RNPS1: variants seen among roughly 807,000 people sequenced by gnomAD.
RNPS1 encodes the protein RNA-binding protein with serine-rich domain 1.
For synonymous variants in RNPS1, 147 were observed against 150.0 expected (o/e 0.98, Z 0.15); for missense variants, 300 against 427.6 (o/e 0.70, Z 2.63).
rs1029765039 is a variant in RNPS1 at position 2,255,475 on chromosome 16, A to G, written c.818+110T>C. On this transcript the variant is annotated intron_variant, in intron 7 of 7. Coordinates refer to ENST00000320225, the MANE Select transcript of RNPS1 (RefSeq NM_080594.4). The stretch of plus-strand genomic sequence containing the variant: ...CTCTGAAGGGCTCCTGCTCTCTGCC[A>G]GCCCGCACAGCAGTGGAAGGCAGGC... 9 of 1,306,630 alleles carry G rather than the reference A, an allele frequency of 6.9e-6. No homozygotes were observed. In the Admixed American group the frequency reaches 7.2e-5, roughly 11 times the overall value. The allele number at this position is 1,306,630 out of a possible 1,614,324, so 80.9% of individuals were successfully genotyped here.
At chr16:2,266,856 A>G (rs1322784302) in intron 1 of RNPS1, 1 of 404,264 alleles carries the variant, frequency 2.5e-6, no homozygotes, top group African/African-American at 2.2e-5. Context: ...ACATCTAATA[A>G]AAGTTTGCTT....
chr16:2,264,822 G>A (rs908473354), intron 1 of RNPS1, 62 bp from the exon 2 acceptor site: 1 of 1,364,792 alleles, frequency 7.3e-7, no homozygotes, highest in African/African-American at 1.5e-5. Flanking sequence ...AGTCTACTTT[G>A]CAGTCAAAAG....
At chr16:2,260,148 T>C (rs1424054733) in intron 6 of RNPS1, among the ~76,000 whole-genome samples, 2 of 82,022 alleles carry the variant, frequency 2.4e-5, no homozygotes, top group South Asian at 4.0e-4. Flanking sequence ...GTGTGTATTC[T>C]TTTTTTTTTT....
chr16:2,255,109 G>A (rs935485857), intron 7 of RNPS1, among the ~76,000 whole-genome samples: 16 of 152,158 alleles, frequency 1.1e-4, no homozygotes, highest in African/African-American at 2.2e-4. Context: ...TCTTGGGAAC[G>A]GGTGCTTGTG....
chr16:2,263,925 T>G, intron 3 of RNPS1: 1 of 384,794 alleles, frequency 2.6e-6, no homozygotes, highest in Non-Finnish European at 4.6e-6. Context: ...AGACGAGCTC[T>G]TGTTTTGTTG....
intron 1 of RNPS1, chr16:2,265,948 C>T (rs889590203): frequency 8.6e-6 from 2 of 232,380 alleles, no homozygotes; most frequent in Middle Eastern, 2.0e-3. Flanking sequence ...AGAATGTGCT[C>T]AAATAACGGT....
chr16:2,268,094 C>T lies in RNPS1; in HGVS notation c.-157G>A. The stretch of plus-strand genomic sequence containing the variant: ...GCCACCTCCTCCTGCTTTCCTCAGC[C>T]GCCGAGGCCGGCGCCGCTCTGACGT... On this transcript the variant is annotated 5_prime_UTR_variant, in exon 1 of 8. Coordinates refer to ENST00000320225, the MANE Select transcript of RNPS1 (RefSeq NM_080594.4). 1 of 1,535,438 alleles carries T rather than the reference C, an allele frequency of 6.5e-7. No individual in the cohort carries two copies. The highest frequency in any genetic ancestry group is 8.7e-7 in the Non-Finnish European group (1 of 1,146,588).
chr16:2,262,269 G>T lies in RNPS1; in HGVS notation c.676+9C>A, dbSNP rs564090820. ...TGAGAGGTCAGGGTTATGTGGCAGG[G>T]TCACCCACCTCCATCCATGTGCTTC... On this transcript the variant is annotated intron_variant, in intron 6 of 7. Transcript: ENST00000320225. The T allele has an allele frequency of 4.3e-6, 7 of 1,611,974 alleles. No individual in the cohort carries two copies. In the African/African-American group the frequency reaches 9.3e-5, roughly 21 times the overall value.
intron 6 of RNPS1, chr16:2,258,508 TG>T (rs2093588483): frequency 6.6e-6 from 1 of 151,946 alleles, no homozygotes; most frequent in Non-Finnish European, 1.5e-5. Flanking sequence ...GAGGATCACC[TG>T]AAGTCAGCAG....
intron 1 of RNPS1, chr16:2,265,469 T>A (rs144939148): frequency 1.3e-5 from 2 of 150,666 alleles, no homozygotes; most frequent in Non-Finnish European, 1.5e-5. Flanking sequence ...ACGTAACTTA[T>A]AGACTATTAA....
intron 3 of RNPS1, chr16:2,263,878 A>G (rs537143619): frequency 4.8e-5 from 17 of 357,282 alleles, no homozygotes; most frequent in Non-Finnish European, 7.7e-5. Flanking sequence ...ACGCTCAGCT[A>G]ATTTTACAAA....
chr16:2,262,619 C>A, intron 5 of RNPS1, 121 bp downstream of exon 5: 1 of 1,001,118 alleles, frequency 1.0e-6, no homozygotes, highest in Non-Finnish European at 1.5e-6. Flanking sequence ...CGAATCAATG[C>A]TGTACTCAAA....
Position 2,254,083 on chromosome 16 carries a change from C to T in RNPS1, c.819-20G>A. ...CGGGACCTGCGGGAAGAGGAGAAAC[C>T]ACATCAGAGTAGCTCAGGCTGTAGG... On this transcript the variant is annotated intron_variant, in intron 7 of 7. Transcript: ENST00000320225. The T allele has an allele frequency of 6.9e-7, 1 of 1,459,202 alleles. No individual in the cohort carries two copies. The highest frequency in any genetic ancestry group is 9.1e-7 in the Non-Finnish European group (1 of 1,100,630). 90.4% of individuals were successfully genotyped at this position (1,459,202 alleles called of 1,614,324 possible).
intron 1 of RNPS1, chr16:2,265,935 T>C (rs2093623361): frequency 5.3e-6 from 1 of 189,806 alleles, no homozygotes; most frequent in South Asian, 1.8e-4. Flanking sequence ...ATGCCTGGAC[T>C]GCAGAATGTG....
At chr16:2,255,458 G>A in intron 7 of RNPS1, 127 bp downstream of exon 7, 2 of 1,115,930 alleles carry the variant, frequency 1.8e-6, no homozygotes, top group Non-Finnish European at 2.6e-6. Context: ...AGCTCTGAAG[G>A]GCTCCTGCTC....
rs2093561495 is a variant in RNPS1 at position 2,253,553 on chromosome 16, G to A, written c.*411C>T. On this transcript the variant is annotated 3_prime_UTR_variant, in exon 8 of 8. Transcript: ENST00000320225. ...GGGTTGGCAGCTGCACTAAAGCCTG[G>A]GGCAGCTCCCTTTCCAAAAGGACAC... 4 of 327,122 alleles carry A rather than the reference G, an allele frequency of 1.2e-5. No individual in the cohort carries two copies. The highest frequency in any genetic ancestry group is 7.3e-5 in the South Asian group (3 of 41,232). 20.3% of individuals were successfully genotyped at this position (327,122 alleles called of 1,614,324 possible).
intron 6 of RNPS1, among the ~76,000 whole-genome samples, chr16:2,260,199 A>C (rs1166390193): frequency 1.8e-5 from 2 of 113,832 alleles, no homozygotes; most frequent in African/African-American, 3.5e-5. Context: ...TTTGTTGCCC[A>C]GGCTGGAGTG....
rs568877233 is a variant in RNPS1 at position 2,267,506 on chromosome 16, A to G, written c.-118+549T>C. ...CACGGCCTAGCGCCGATAATTGCACACGGGAGTCCGGGAAACGTTCGCGGA... is the reference window on the plus strand; with the variant it reads ...CACGGCCTAGCGCCGATAATTGCACGCGGGAGTCCGGGAAACGTTCGCGGA... On this transcript the variant is annotated intron_variant, in intron 1 of 7. Transcript: ENST00000320225. 1.4e-4 allele frequency: 139 copies of G among 1,010,912 alleles called. No homozygotes were observed. The African/African-American group carries it at 2.4e-3, about 17-fold the overall frequency. The allele number at this position is 1,010,912 out of a possible 1,614,324, so 62.6% of individuals were successfully genotyped here.
chr16:2,262,663 AC>A, intron 5 of RNPS1, 76 bp downstream of exon 5: 2 of 1,321,152 alleles, frequency 1.5e-6, no homozygotes, highest in Non-Finnish European at 2.2e-6. Context: ...CCAAAAGGCT[AC>A]ATTCTAAGTT....
Sources: gnomAD v4.1 joint callset for allele counts (sites outside exome capture counted in the v4.1 genomes callset) on GRCh38, gnomAD v4.1.1 for gene constraint, MANE v1.5 for transcripts, NCBI Gene and HGNC (gene_info 2026-07-23, HGNC 2026-07-21) for gene names.